The following CNTNAP2 variants were observed in gnomAD, a reference collection of about 807,000 sequenced individuals.
The protein encoded by CNTNAP2 is contactin-associated protein-like 2.
CNTNAP2 carries 98 observed loss-of-function variants against 155.2 expected under a neutral mutation model. That is an observed-to-expected ratio of 0.63 (90% CI 0.54 to 0.75). The LOEUF is 0.75. Ranked by LOEUF, CNTNAP2 falls within the 30% of genes least tolerant of loss-of-function variation. CNTNAP2 has a pLI of 0.00. For synonymous variants in CNTNAP2, 651 were observed against 631.2 expected (o/e 1.03, Z -0.47); for missense variants, 1,727 against 1,688.1 (o/e 1.02, Z -0.40).
chr7:146,513,783 T>C (rs894359960), intron 1 of CNTNAP2, among the ~76,000 whole-genome samples: 1 of 152,044 alleles, frequency 6.6e-6, no homozygotes, highest in Non-Finnish European at 1.5e-5. Context: ...TCTGTGAGTC[T>C]ATACATTAAG....
chr7:147,321,660 T>C (rs925724973), intron 9 of CNTNAP2, among the ~76,000 whole-genome samples: 4 of 152,138 alleles, frequency 2.6e-5, no homozygotes, highest in Non-Finnish European at 4.4e-5. Context: ...CTTGAGTCTT[T>C]CCAAGCATTT....
At chr7:147,628,210 G>A (rs968174400) in intron 12 of CNTNAP2, among the ~76,000 whole-genome samples, 1 of 152,128 alleles carries the variant, frequency 6.6e-6, no homozygotes. Context: ...ACAAAGGAAA[G>A]AATCTTAAGA....
chr7:146,907,172 G>A (rs1342297825), intron 3 of CNTNAP2, among the ~76,000 whole-genome samples: 1 of 152,122 alleles, frequency 6.6e-6, no homozygotes, highest in Non-Finnish European at 1.5e-5. Context: ...ATCTACGTCT[G>A]ATTGGTGTAC....
chr7:148,409,536 A>G, intron 23 of CNTNAP2, 65 bp downstream of exon 23: 2 of 1,405,560 alleles, frequency 1.4e-6, no homozygotes, highest in Non-Finnish European at 2.0e-6. Context: ...AGTTGTCAAT[A>G]ACATAGTAGT....
At chr7:147,862,371 A>G (rs143398347) in intron 13 of CNTNAP2, among the ~76,000 whole-genome samples, 6 of 147,430 alleles carry the variant, frequency 4.1e-5, no homozygotes, top group Non-Finnish European at 8.9e-5. Context: ...CGTATCCAAG[A>G]CCATCCGAAA....
At chr7:147,360,735 A>G (rs1036531491) in intron 9 of CNTNAP2, among the ~76,000 whole-genome samples, 3 of 152,164 alleles carry the variant, frequency 2.0e-5, no homozygotes, top group Non-Finnish European at 4.4e-5. Flanking sequence ...TTAATTTTAT[A>G]TAGTGACTGG....
At chr7:147,966,694 G>A (rs1801219117) in intron 14 of CNTNAP2, among the ~76,000 whole-genome samples, 1 of 152,104 alleles carries the variant, frequency 6.6e-6, no homozygotes, top group Admixed American at 6.6e-5. Flanking sequence ...GAGTTGAGAT[G>A]TCAGCATATT....
intron 3 of CNTNAP2, among the ~76,000 whole-genome samples, chr7:146,938,973 A>G (rs1165311163): frequency 1.3e-5 from 2 of 152,134 alleles, no homozygotes; most frequent in East Asian, 3.9e-4. Flanking sequence ...GCAGAAAGAC[A>G]TTGTCAATGC....
At chr7:147,106,269 T>C (rs1252058936) in intron 4 of CNTNAP2, among the ~76,000 whole-genome samples, 1 of 152,140 alleles carries the variant, frequency 6.6e-6, no homozygotes, top group Non-Finnish European at 1.5e-5. Context: ...TCTGTTTTTC[T>C]TTTATTCACT....
At chr7:146,938,412 C>T (rs1796971353) in intron 3 of CNTNAP2, among the ~76,000 whole-genome samples, 1 of 149,658 alleles carries the variant, frequency 6.7e-6, no homozygotes, top group South Asian at 2.1e-4. Flanking sequence ...ATTATATATA[C>T]ATATATGTGT....
intron 10 of CNTNAP2, among the ~76,000 whole-genome samples, chr7:147,417,353 G>A (rs1271944483): frequency 2.0e-5 from 3 of 152,176 alleles, no homozygotes; most frequent in African/African-American, 7.2e-5. Context: ...TTGCTTCCCA[G>A]GTCATGGATG....
intron 1 of CNTNAP2, among the ~76,000 whole-genome samples, chr7:146,245,706 T>A (rs948090749): frequency 6.6e-6 from 1 of 152,036 alleles, no homozygotes; most frequent in Non-Finnish European, 1.5e-5. Context: ...CAGATGAGGA[T>A]GAAGTTTGGG....
At chr7:147,156,350 T>G (rs1207371785) in intron 8 of CNTNAP2, among the ~76,000 whole-genome samples, 1 of 152,200 alleles carries the variant, frequency 6.6e-6, no homozygotes, top group Non-Finnish European at 1.5e-5. Flanking sequence ...CTACCGTATA[T>G]GTGGGAAATG....
chr7:148,285,981 A>G (rs1797074814), intron 21 of CNTNAP2, among the ~76,000 whole-genome samples: 3 of 152,308 alleles, frequency 2.0e-5, no homozygotes, highest in Admixed American at 1.3e-4. Context: ...TATATACTGT[A>G]TTCTTATAAT....
At chr7:148,181,379 T>G (rs1347467185) in intron 18 of CNTNAP2, among the ~76,000 whole-genome samples, 1 of 152,018 alleles carries the variant, frequency 6.6e-6, no homozygotes, top group Non-Finnish European at 1.5e-5. Context: ...AGCCAAAAAG[T>G]CAGAAAATAT....
intron 17 of CNTNAP2, among the ~76,000 whole-genome samples, chr7:148,156,301 A>G (rs765691359): frequency 6.6e-6 from 1 of 152,186 alleles, no homozygotes; most frequent in Non-Finnish European, 1.5e-5. Flanking sequence ...CAAAGTCAGC[A>G]TGGATCTCTA....
chr7:147,642,206 TA>T (rs1194140690), intron 13 of CNTNAP2, among the ~76,000 whole-genome samples: 1 of 152,022 alleles, frequency 6.6e-6, no homozygotes, highest in Non-Finnish European at 1.5e-5. Context: ...AGTCCTGGGG[TA>T]GGGGTGGAGG....
chr7:146,955,462 T>A (rs1003298361), intron 3 of CNTNAP2, among the ~76,000 whole-genome samples: 116 of 152,072 alleles, frequency 7.6e-4, no homozygotes, highest in Admixed American at 2.7e-3. Context: ...GAAACAAAAA[T>A]CTTTTCTAAC....
chr7:146,149,018 C>G (rs376303691), intron 1 of CNTNAP2, among the ~76,000 whole-genome samples: 4 of 142,658 alleles, frequency 2.8e-5, no homozygotes, highest in South Asian at 2.3e-4. Flanking sequence ...ACATCACACA[C>G]CGGGGCCTGT....
Sources: gnomAD v4.1 joint callset for allele counts (sites outside exome capture counted in the v4.1 genomes callset) on GRCh38, gnomAD v4.1.1 for gene constraint, MANE v1.5 for transcripts, NCBI Gene and HGNC (gene_info 2026-07-23, HGNC 2026-07-21) for gene names.